Variants in ZNF804A observed in about 807,000 individuals in gnomAD.
The protein encoded by ZNF804A is zinc finger protein 804A.
ZNF804A carries 2 observed loss-of-function variants against 16.5 expected under a neutral mutation model. That is an observed-to-expected ratio of 0.12 (90% confidence interval 0.05 to 0.38). ZNF804A has a LOEUF of 0.38. Ranked by LOEUF, ZNF804A falls within the 10% of genes least tolerant of loss-of-function variation. The probability of loss-of-function intolerance (pLI) is 0.99; values close to 1 mark genes in which losing one functional copy is unlikely to be tolerated. For missense variants in ZNF804A, 1,473 were observed against 1,390.7 expected, an observed-to-expected ratio of 1.06 and a Z score of -0.94; for synonymous variants, 534 against 489.6, an observed-to-expected ratio of 1.09 and a Z score of -1.20.
intron 1 of ZNF804A, among the ~76,000 whole-genome samples, chr2:184,728,369 G>A (rs1283981582): frequency 6.6e-6 from 1 of 151,798 alleles, no homozygotes; most frequent in Admixed American, 6.6e-5. Context: ...GCCATATTTT[G>A]ATGTTTTTAA....
At chr2:184,659,807 TA>T (rs1692138994) in intron 1 of ZNF804A, among the ~76,000 whole-genome samples, 1 of 152,130 alleles carries the variant, frequency 6.6e-6, no homozygotes, top group South Asian at 2.1e-4. Flanking sequence ...TGATTAGGCA[TA>T]AAAAATGTAT....
At chr2:184,893,156 T>G (rs1439164292) in intron 2 of ZNF804A, among the ~76,000 whole-genome samples, 1 of 152,058 alleles carries the variant, frequency 6.6e-6, no homozygotes, top group Non-Finnish European at 1.5e-5. Context: ...ATTAAAATAT[T>G]CTCATCCTAA....
chr2:184,864,026 G>T (rs1172659955), intron 1 of ZNF804A, among the ~76,000 whole-genome samples: 2 of 152,126 alleles, frequency 1.3e-5, no homozygotes, highest in Admixed American at 1.3e-4. Flanking sequence ...AAGTTATTTT[G>T]TGATTTATCA....
intron 1 of ZNF804A, among the ~76,000 whole-genome samples, chr2:184,751,159 G>A (rs976380951): frequency 2.0e-5 from 3 of 151,460 alleles, no homozygotes; most frequent in Non-Finnish European, 3.0e-5. Flanking sequence ...ATTTCTCCAA[G>A]ATCCAGATTT....
rs1559103659 is a variant in ZNF804A, at chr2:184,598,563, T to C, written c.-397T>C. On this transcript the variant is annotated 5_prime_UTR_variant, in exon 1 of 4. Transcript: ENST00000302277. ...TGCAGGCGCCGAGCGCGGGGGATGC[T>C]GCCGCCGCCGCCGCTTCTGCTGCCG... 6.3e-6 allele frequency: 1 copy of C among 157,494 alleles called. No individual in the cohort carries two copies. The highest frequency in any genetic ancestry group is 1.8e-4 in the East Asian group (1 of 5,502). The allele number at this position is 157,494 out of a possible 1,614,324, so 9.8% of individuals were successfully genotyped here.
chr2:184,933,788 T>A (rs1283872919), intron 3 of ZNF804A, 55 bp downstream of exon 3: 2 of 1,543,042 alleles, frequency 1.3e-6, no homozygotes, highest in African/African-American at 2.8e-5. Context: ...AAAAGGGGTA[T>A]AGGGGGAGTC....
At chr2:184,794,708 A>G (rs1412642315) in intron 1 of ZNF804A, among the ~76,000 whole-genome samples, 3 of 152,120 alleles carry the variant, frequency 2.0e-5, no homozygotes, top group African/African-American at 7.2e-5. Context: ...AAAAGATACA[A>G]AATTGCAGAA....
chr2:184,871,429 A>C (rs911537776), intron 2 of ZNF804A, among the ~76,000 whole-genome samples: 2 of 150,612 alleles, frequency 1.3e-5, no homozygotes, highest in Non-Finnish European at 3.0e-5. Context: ...AAAAAAAAAA[A>C]CAAAAAAAAA....
chr2:184,607,164 C>T (rs1184289632), intron 1 of ZNF804A, among the ~76,000 whole-genome samples: 1 of 152,196 alleles, frequency 6.6e-6, no homozygotes, highest in South Asian at 2.1e-4. Flanking sequence ...AAAACAACCT[C>T]TATGTAAAAT....
intron 2 of ZNF804A, among the ~76,000 whole-genome samples, chr2:184,873,847 G>A (rs1696012390): frequency 6.6e-6 from 1 of 152,104 alleles, no homozygotes; most frequent in African/African-American, 2.4e-5. Flanking sequence ...TAATGTGGAT[G>A]AATAGAAAAT....
At chr2:184,609,597 T>G (rs1691205262) in intron 1 of ZNF804A, among the ~76,000 whole-genome samples, 1 of 152,254 alleles carries the variant, frequency 6.6e-6, no homozygotes, top group East Asian at 1.9e-4. Context: ...CCTAGCTGAT[T>G]CCATATCTGG....
At chr2:184,703,516 C>A (rs1181843312) in intron 1 of ZNF804A, among the ~76,000 whole-genome samples, 1 of 151,492 alleles carries the variant, frequency 6.6e-6, no homozygotes, top group Non-Finnish European at 1.5e-5. Flanking sequence ...CGGTGAAACC[C>A]CGTCTCTACT....
At chr2:184,682,253 C>T (rs1485638827) in intron 1 of ZNF804A, among the ~76,000 whole-genome samples, 1 of 152,196 alleles carries the variant, frequency 6.6e-6, no homozygotes, top group Non-Finnish European at 1.5e-5. Context: ...AATGCTCAGA[C>T]AGAAGGCACC....
intron 1 of ZNF804A, among the ~76,000 whole-genome samples, chr2:184,815,985 T>C (rs1440129497): frequency 6.6e-6 from 1 of 152,056 alleles, no homozygotes; most frequent in East Asian, 1.9e-4. Context: ...TAAAATGTCA[T>C]TTTAAAATAT....
chr2:184,682,754 A>G (rs746797876), intron 1 of ZNF804A, among the ~76,000 whole-genome samples: 17 of 152,144 alleles, frequency 1.1e-4, no homozygotes, highest in Non-Finnish European at 1.9e-4. Context: ...AGATTAATGT[A>G]ATTAAACTTT....
At chr2:184,718,277 A>G (rs1693246078) in intron 1 of ZNF804A, among the ~76,000 whole-genome samples, 1 of 152,086 alleles carries the variant, frequency 6.6e-6, no homozygotes, top group Non-Finnish European at 1.5e-5. Context: ...GTCACCTCCT[A>G]CTGAGTCCCT....
In ZNF804A at chr2:184,795,490, T is replaced by C. The variant is rs765458974; in HGVS notation, c.112-70879T>C. On this transcript the variant is annotated intron_variant, in intron 1 of 3. Coordinates refer to ENST00000302277, the MANE Select transcript of ZNF804A (RefSeq NM_194250.2). ...AGTCTGAAAGAGTACAAACAGACAA[T>C]CTAAGGTCACACCTCAAGGAACTAG... Among the ~76,000 whole-genome samples the C allele has an allele frequency of 4.0e-5, 6 of 151,712 alleles. No individual in the cohort carries two copies. In the East Asian group the frequency reaches 7.8e-4, roughly 20 times the overall value.
intron 1 of ZNF804A, among the ~76,000 whole-genome samples, chr2:184,819,542 T>C (rs984119038): frequency 2.6e-5 from 4 of 151,386 alleles, no homozygotes; most frequent in African/African-American, 9.7e-5. Context: ...ACCCAAAATC[T>C]AGCAGAAGAC....
chr2:184,738,481 A>C (rs755225403), intron 1 of ZNF804A, among the ~76,000 whole-genome samples: 3 of 152,212 alleles, frequency 2.0e-5, no homozygotes, highest in Non-Finnish European at 4.4e-5. Flanking sequence ...AAATTACCTT[A>C]TCTAAGGATA....
Sources: allele counts gnomAD v4.1 joint callset (sites outside exome capture counted in the v4.1 genomes callset), GRCh38; gene constraint gnomAD v4.1.1; transcripts MANE v1.5; gene names NCBI Gene and HGNC (gene_info 2026-07-23, HGNC 2026-07-21).